The following XRRA1 variants were observed in gnomAD, a reference collection of about 807,000 sequenced individuals.
The protein encoded by XRRA1 is X-ray radiation resistance-associated protein 1.
A neutral mutation model predicts 80.2 loss-of-function variants in XRRA1; 69 were observed. The observed-to-expected ratio is 0.86, with a 90% CI of 0.71 to 1.05. The LOEUF (loss-of-function observed/expected upper bound fraction) is 1.05, where lower values mean the gene tolerates loss of function less well. XRRA1 is among the 50% of genes least tolerant of loss of function. The pLI is 0.00. For synonymous variants in XRRA1, 348 were observed against 389.9 expected (o/e 0.89, Z 1.27); for missense variants, 967 against 976.4 (o/e 0.99, Z 0.13).
intron 10 of XRRA1, among the ~76,000 whole-genome samples, chr11:74,867,061 C>G (rs2136111816): frequency 6.6e-6 from 1 of 152,262 alleles, no homozygotes; most frequent in African/African-American, 2.4e-5. Context: ...AGCATGGACA[C>G]CAGTGGCCCT....
chr11:74,922,888 T>A (rs1160478735), intron 7 of XRRA1, among the ~76,000 whole-genome samples: 1 of 151,932 alleles, frequency 6.6e-6, no homozygotes, highest in Non-Finnish European at 1.5e-5. Flanking sequence ...AAATGCTTAA[T>A]GTTGGCTGTC....
intron 8 of XRRA1, among the ~76,000 whole-genome samples, chr11:74,916,645 C>T (rs1321560451): frequency 6.6e-6 from 1 of 152,020 alleles, no homozygotes; most frequent in Non-Finnish European, 1.5e-5. Flanking sequence ...TAAGTACTCA[C>T]TTTCTCAGGG....
chr11:74,864,487 CCCAAGACATTGAAGGATTG>C (rs2042970975), intron 10 of XRRA1, among the ~76,000 whole-genome samples: 1 of 152,182 alleles, frequency 6.6e-6, no homozygotes. Flanking sequence ...CCTGGTGGAT[CCCAAGACATTGAAGGATTG>C]TTTTGAGGGT....
intron 6 of XRRA1, among the ~76,000 whole-genome samples, chr11:74,927,820 A>G (rs1164438330): frequency 6.6e-6 from 1 of 152,238 alleles, no homozygotes; most frequent in Non-Finnish European, 1.5e-5. Flanking sequence ...TTAAAACACA[A>G]CTAAGAAAAA....
intron 10 of XRRA1, among the ~76,000 whole-genome samples, chr11:74,878,035 C>T (rs1000714669): frequency 3.3e-5 from 5 of 151,684 alleles, no homozygotes; most frequent in Admixed American, 2.6e-4. Context: ...GAGGAATCAC[C>T]ACACTGACTT....
intron 1 of XRRA1, among the ~76,000 whole-genome samples, 194 bp downstream of exon 1, chr11:74,948,734 C>T (rs567956): frequency 0.38 from 57,945 of 152,034 alleles, 12,414 homozygotes; most frequent in Middle Eastern, 0.5. Flanking sequence ...ACTGTAGGCA[C>T]TCAGTAAACG....
chr11:74,850,329 C>A (rs2039451891), intron 14 of XRRA1, among the ~76,000 whole-genome samples: 1 of 152,120 alleles, frequency 6.6e-6, no homozygotes, highest in Non-Finnish European at 1.5e-5. Flanking sequence ...TGGGGCAGAT[C>A]CTTAAGAGGA....
Position 74,856,880 on chromosome 11 carries a change from A to G in XRRA1, c.1170+2278T>C, listed in dbSNP as rs1051584077. On this transcript the variant is annotated intron_variant, in intron 12 of 18. Coordinates refer to ENST00000684022, the MANE Select transcript of XRRA1 (RefSeq NM_001378157.1). ...TTGGGGCACTGCATCTTGGGTAGGG[A>G]AAAAATTAAAACCCACTACTCCTGT... 2.6e-5 allele frequency among the ~76,000 whole-genome samples: 4 copies of G among 152,092 alleles called. No individual in the cohort carries two copies. In the East Asian group the frequency reaches 5.8e-4, roughly 22 times the overall value.
At chr11:74,858,950 G>A (rs2041738825) in intron 12 of XRRA1, among the ~76,000 whole-genome samples, 1 of 152,168 alleles carries the variant, frequency 6.6e-6, no homozygotes, top group South Asian at 2.1e-4. Flanking sequence ...CCTGGCACAT[G>A]GTAAGTGCTA....
chr11:74,895,720 T>A (rs1401543560), intron 10 of XRRA1, among the ~76,000 whole-genome samples: 1 of 152,214 alleles, frequency 6.6e-6, no homozygotes, highest in African/African-American at 2.4e-5. Context: ...TCTTGTATCT[T>A]GGATACCAGC....
chr11:74,846,606 G>A (rs934493820), intron 15 of XRRA1, among the ~76,000 whole-genome samples: 1 of 151,882 alleles, frequency 6.6e-6, no homozygotes, highest in African/African-American at 2.4e-5. Context: ...ATTTATCCTA[G>A]GAATGAAAGG....
intron 5 of XRRA1, among the ~76,000 whole-genome samples, chr11:74,933,085 T>TC (rs1183423844): frequency 3.3e-5 from 5 of 152,174 alleles, no homozygotes; most frequent in Admixed American, 6.5e-5. Context: ...TCACAGCACC[T>TC]GTAAGTTAGG....
chr11:74,918,299 AGT>A (rs35763136), intron 8 of XRRA1, among the ~76,000 whole-genome samples: 4,846 of 149,920 alleles, frequency 0.032, 185 homozygotes, highest in African/African-American at 0.1. Flanking sequence ...TTCCTTCCTT[AGT>A]GTGTGTGTGT....
At chr11:74,918,276 C>T (rs1939419351) in intron 8 of XRRA1, among the ~76,000 whole-genome samples, 1 of 149,782 alleles carries the variant, frequency 6.7e-6, no homozygotes, top group South Asian at 2.1e-4. Flanking sequence ...TGCATATTTT[C>T]GTGTGCATTT....
intron 12 of XRRA1, among the ~76,000 whole-genome samples, chr11:74,858,329 A>C (rs769812589): frequency 2.0e-5 from 3 of 152,240 alleles, no homozygotes; most frequent in Non-Finnish European, 2.9e-5. Flanking sequence ...GTATTGAGAA[A>C]GCTGGATATC....
chr11:74,891,970 C>T (rs2050839375), intron 10 of XRRA1, among the ~76,000 whole-genome samples: 1 of 152,166 alleles, frequency 6.6e-6, no homozygotes, highest in Admixed American at 6.5e-5. Flanking sequence ...ATGAAAATGG[C>T]CATACTGCCC....
chr11:74,899,206 T>G (rs572572692), intron 10 of XRRA1, among the ~76,000 whole-genome samples: 8 of 152,184 alleles, frequency 5.3e-5, no homozygotes, highest in African/African-American at 1.9e-4. Context: ...AAAATTTTCT[T>G]GAAACAAATG....
chr11:74,884,976 T>C (rs1373555895), intron 10 of XRRA1, among the ~76,000 whole-genome samples: 2 of 152,058 alleles, frequency 1.3e-5, no homozygotes, highest in Non-Finnish European at 2.9e-5. Context: ...ATTCAAAAGA[T>C]CCACAGCCTG....
chr11:74,942,078 G>A (rs147968158), intron 2 of XRRA1, among the ~76,000 whole-genome samples: 1 of 151,978 alleles, frequency 6.6e-6, no homozygotes, highest in East Asian at 1.9e-4. Flanking sequence ...ATGCCTGGGT[G>A]ACAGTGAGAC....
Sources: gnomAD v4.1 joint callset for allele counts (sites outside exome capture counted in the v4.1 genomes callset) on GRCh38, gnomAD v4.1.1 for gene constraint, MANE v1.5 for transcripts, NCBI Gene and HGNC (gene_info 2026-07-23, HGNC 2026-07-21) for gene names.